The following GSE1 variants were observed in gnomAD, a reference collection of about 807,000 sequenced individuals.
GSE1 encodes genetic suppressor element 1.
In GSE1, 32 loss-of-function variants were observed where a neutral mutation model predicts 112.6. That is an observed-to-expected ratio of 0.28 (90% CI 0.21 to 0.38). The LOEUF is 0.38. Among genes scored for constraint, GSE1 ranks in the 10% least tolerant of loss-of-function variants. The probability of loss-of-function intolerance (pLI) is 1.00; values close to 1 mark genes in which losing one functional copy is unlikely to be tolerated. For synonymous variants in GSE1, 1,115 were observed against 735.6 expected (o/e 1.52, Z -8.35); for missense variants, 2,348 against 1,699.2 (o/e 1.38, Z -6.71).
intron 2 of GSE1, among the ~76,000 whole-genome samples, chr16:85,428,698 C>G (rs2049049094): frequency 2.0e-5 from 3 of 152,158 alleles, no homozygotes; most frequent in Admixed American, 2.0e-4. Context: ...CTGGACTGTC[C>G]ACAGCCCCAG....
Position 85,257,053 on chromosome 16 carries a change from T to C in GSE1, c.2283+85246T>C, listed in dbSNP as rs141955952. Among the ~76,000 whole-genome samples, 1,130 of 151,922 alleles carry C rather than the reference T, an allele frequency of 7.4e-3. 9 individuals carry two copies. Among genetic ancestry groups the C allele is most frequent in the African/African-American group, 8.0e-3 (332 of 41,418 alleles). On this transcript the variant is annotated intron_variant, in intron 1 of 2. Coordinates refer to the GSE1 transcript ENST00000637419. Reference sequence around the variant, plus strand: ...GGGGAGGACATGGGACATAGGGAGGTTGAAGAGATGAGGGGTGGATTATAC... The same window carrying C: ...GGGGAGGACATGGGACATAGGGAGGCTGAAGAGATGAGGGGTGGATTATAC...
intron 2 of GSE1, among the ~76,000 whole-genome samples, chr16:85,478,009 T>C (rs2050514402): frequency 6.6e-6 from 1 of 152,110 alleles, no homozygotes; most frequent in Non-Finnish European, 1.5e-5. Flanking sequence ...CCCCTCCCCA[T>C]TAGCGGTCAC....
chr16:85,608,326 G>GC (rs2047803899), upstream of GSE1, among the ~76,000 whole-genome samples: 2 of 152,214 alleles, frequency 1.3e-5, no homozygotes, highest in South Asian at 2.1e-4. Context: ...TGTGGACTTA[G>GC]CCCCCCGCCC....
intron 2 of GSE1, among the ~76,000 whole-genome samples, chr16:85,446,643 G>A (rs1359613667): frequency 1.3e-5 from 2 of 152,174 alleles, no homozygotes; most frequent in African/African-American, 2.4e-5. Context: ...CTCAGTAGAC[G>A]CCATCGAGCG....
intron 2 of GSE1, among the ~76,000 whole-genome samples, chr16:85,644,019 G>A (rs1467540921): frequency 1.3e-5 from 2 of 152,146 alleles, no homozygotes; most frequent in Non-Finnish European, 2.9e-5. Context: ...GGGTGCACAG[G>A]AGGGCTTTCC....
intron 2 of GSE1, among the ~76,000 whole-genome samples, chr16:85,460,508 A>G (rs1015735167): frequency 2.0e-5 from 3 of 152,252 alleles, no homozygotes; most frequent in African/African-American, 7.2e-5. Flanking sequence ...GCAAAATGTA[A>G]GGTAGTTCAT....
chr16:85,352,484 G>C (rs1018448034), intron 1 of GSE1, among the ~76,000 whole-genome samples: 19 of 152,064 alleles, frequency 1.2e-4, no homozygotes, highest in Admixed American at 3.3e-4. Context: ...CCTGGGAGTG[G>C]GGGATGCTGA....
At chr16:85,607,626 T>C (rs2047767785), upstream of GSE1, among the ~76,000 whole-genome samples, 1 of 152,130 alleles carries the variant, frequency 6.6e-6, no homozygotes. Context: ...TGACCTGGGC[T>C]ACTGAGGGCC....
intron 1 of GSE1, among the ~76,000 whole-genome samples, chr16:85,172,975 A>T (rs1192793764): frequency 2.0e-5 from 3 of 152,120 alleles, no homozygotes. Flanking sequence ...TCTACTGATG[A>T]CAGCTTTGGA....
intron 8 of GSE1, among the ~76,000 whole-genome samples, chr16:85,660,218 C>T (rs904510275): frequency 5.9e-5 from 9 of 152,210 alleles, no homozygotes; most frequent in East Asian, 3.9e-4. Flanking sequence ...GGGGAATTCA[C>T]GCAAGCAGGT....
At chr16:85,614,612 G>A (rs1479013301) in intron 1 of GSE1, among the ~76,000 whole-genome samples, 3 of 152,222 alleles carry the variant, frequency 2.0e-5, no homozygotes, top group East Asian at 1.9e-4. Context: ...CGCAGTGCCC[G>A]TCTGAGTTCC....
chr16:85,212,933 G>A (rs1029157155), intron 1 of GSE1, among the ~76,000 whole-genome samples: 1 of 152,154 alleles, frequency 6.6e-6, no homozygotes, highest in Admixed American at 6.5e-5. Flanking sequence ...TTTGAGACCA[G>A]CCTGGGCAAC....
At chr16:85,216,962 G>A (rs1423462221) in intron 1 of GSE1, among the ~76,000 whole-genome samples, 4 of 152,252 alleles carry the variant, frequency 2.6e-5, no homozygotes, top group African/African-American at 4.8e-5. Flanking sequence ...CCTATGGAAA[G>A]CGGCAAGCCC....
At chr16:85,290,938 A>G (rs2966859) in intron 1 of GSE1, among the ~76,000 whole-genome samples, 129,186 of 152,138 alleles carry the variant, frequency 0.85, 55,119 homozygotes, top group African/African-American at 0.93. Context: ...CCGGGTCCCC[A>G]AGCAGGGAGC....
chr16:85,318,414 C>T (rs1045847684), intron 1 of GSE1, among the ~76,000 whole-genome samples: 1 of 152,106 alleles, frequency 6.6e-6, no homozygotes, highest in East Asian at 1.9e-4. Flanking sequence ...CAGGCATGCA[C>T]CACTATGCCT....
intron 2 of GSE1, among the ~76,000 whole-genome samples, chr16:85,383,389 C>G (rs2047604636): frequency 6.6e-6 from 1 of 151,772 alleles, no homozygotes; most frequent in African/African-American, 2.4e-5. Flanking sequence ...CACACATACA[C>G]TCACACACAT....
At chr16:85,555,679 C>T, upstream of GSE1, 1 of 924,194 alleles carries the variant, frequency 1.1e-6, no homozygotes, top group Non-Finnish European at 1.3e-6. Flanking sequence ...CCCGCCGCCC[C>T]CCCCTTCCTT....
chr16:85,528,179 G>A (rs563692569), intron 2 of GSE1, among the ~76,000 whole-genome samples: 9 of 152,366 alleles, frequency 5.9e-5, no homozygotes, highest in African/African-American at 1.7e-4. Context: ...CCCGTGAAGC[G>A]TGCAGTGCAA....
At chr16:85,195,045 AACAG>A (rs1374569009) in intron 1 of GSE1, among the ~76,000 whole-genome samples, 1 of 152,138 alleles carries the variant, frequency 6.6e-6, no homozygotes, top group Admixed American at 6.5e-5. Context: ...AAAAGGGAGA[AACAG>A]ACCTGTTCAG....
Sources: gnomAD v4.1 joint callset for allele counts (sites outside exome capture counted in the v4.1 genomes callset) on GRCh38, gnomAD v4.1.1 for gene constraint, MANE v1.5 for transcripts, NCBI Gene and HGNC (gene_info 2026-07-23, HGNC 2026-07-21) for gene names.